The following ROBO2 variants were observed in gnomAD, a reference collection of about 807,000 sequenced individuals.
ROBO2 encodes the protein roundabout homolog 2.
ROBO2 carries 53 observed loss-of-function variants against 160.8 expected under a neutral mutation model. The observed-to-expected ratio is 0.33, with a 90% confidence interval of 0.26 to 0.41. The LOEUF (loss-of-function observed/expected upper bound fraction) is 0.41. Among genes scored for constraint, ROBO2 ranks in the 10% least tolerant of loss-of-function variants. ROBO2 has a pLI of 1.00. For synonymous variants in ROBO2, 664 were observed against 611.7 expected (o/e 1.09, Z -1.26); for missense variants, 1,577 against 1,722.4 (o/e 0.92, Z 1.49).
chr3:77,002,560 G>A (rs920366636), intron 2 of ROBO2, among the ~76,000 whole-genome samples: 1 of 151,842 alleles, frequency 6.6e-6, no homozygotes, highest in South Asian at 2.1e-4. Flanking sequence ...TCTACTTATA[G>A]TTTAGTATTA....
intron 2 of ROBO2, among the ~76,000 whole-genome samples, chr3:77,201,773 G>A (rs2082936424): frequency 6.6e-6 from 1 of 151,844 alleles, no homozygotes; most frequent in Non-Finnish European, 1.5e-5. Flanking sequence ...TGAAGTCATG[G>A]GTATTATTTC....
chr3:77,209,648 G>A (rs2083865804), intron 2 of ROBO2, among the ~76,000 whole-genome samples: 1 of 152,074 alleles, frequency 6.6e-6, no homozygotes, highest in Non-Finnish European at 1.5e-5. Flanking sequence ...TGAGATTTAG[G>A]AAGCCTTGAT....
At chr3:77,093,956 TTATC>T (rs1423507363) in intron 1 of ROBO2, among the ~76,000 whole-genome samples, 1 of 152,228 alleles carries the variant, frequency 6.6e-6, no homozygotes, top group Non-Finnish European at 1.5e-5. Context: ...CAGTGCTCTT[TTATC>T]TATCAAATTT....
At chr3:77,045,792 G>A (rs1020808451) in intron 1 of ROBO2, among the ~76,000 whole-genome samples, 1 of 152,106 alleles carries the variant, frequency 6.6e-6, no homozygotes, top group African/African-American at 2.4e-5. Context: ...CCAACCACAA[G>A]AAATCACCAC....
intron 2 of ROBO2, among the ~76,000 whole-genome samples, chr3:77,426,596 A>G (rs1418262227): frequency 1.5e-5 from 2 of 135,072 alleles, no homozygotes; most frequent in Non-Finnish European, 3.3e-5. Flanking sequence ...ACACACATAC[A>G]TATGTGTGTG....
At chr3:76,257,454 A>G (rs1706470408) in intron 2 of ROBO2, among the ~76,000 whole-genome samples, 1 of 152,160 alleles carries the variant, frequency 6.6e-6, no homozygotes, top group African/African-American at 2.4e-5. Flanking sequence ...ATAGAGAATA[A>G]GAGAATGGCA....
At chr3:77,634,057 T>C (rs753566626) in intron 23 of ROBO2, 23 of 152,208 alleles carry the variant, frequency 1.5e-4, no homozygotes, top group Non-Finnish European at 2.9e-4. Context: ...AGGCCTCTGT[T>C]ACTACAATAA....
At chr3:76,285,060 A>T (rs964163240) in intron 2 of ROBO2, among the ~76,000 whole-genome samples, 1 of 152,136 alleles carries the variant, frequency 6.6e-6, no homozygotes, top group Admixed American at 6.6e-5. Context: ...GCAAGTCTGA[A>T]AGGAACAACC....
intron 2 of ROBO2, among the ~76,000 whole-genome samples, chr3:76,729,276 G>T (rs569249394): frequency 6.6e-6 from 1 of 151,256 alleles, no homozygotes; most frequent in Non-Finnish European, 1.5e-5. Context: ...AATTACCAAG[G>T]TTTTCTAATT....
intron 2 of ROBO2, among the ~76,000 whole-genome samples, chr3:76,808,558 G>T (rs1003067228): frequency 2.0e-5 from 3 of 152,076 alleles, no homozygotes; most frequent in Admixed American, 6.6e-5. Flanking sequence ...ATAAGAGCCC[G>T]TCTTACTGAC....
intron 16 of ROBO2, among the ~76,000 whole-genome samples, chr3:77,586,004 G>A (rs1296172977): frequency 3.3e-5 from 5 of 152,020 alleles, no homozygotes; most frequent in Admixed American, 6.6e-5. Context: ...ACCATGTATT[G>A]TTTCATCTAT....
At chr3:77,163,879 A>G (rs1352383249) in intron 2 of ROBO2, among the ~76,000 whole-genome samples, 2 of 152,220 alleles carry the variant, frequency 1.3e-5, no homozygotes, top group Non-Finnish European at 2.9e-5. Flanking sequence ...CTCTCAAAGG[A>G]TGGATGTATA....
chr3:77,572,426 T>C (rs980456041), intron 13 of ROBO2, among the ~76,000 whole-genome samples: 10 of 151,984 alleles, frequency 6.6e-5, no homozygotes, highest in Non-Finnish European at 1.5e-4. Flanking sequence ...ATGTATCCAA[T>C]GGTAGAAACA....
chr3:77,140,739 AAT>A (rs2076637148), intron 2 of ROBO2, among the ~76,000 whole-genome samples: 1 of 152,226 alleles, frequency 6.6e-6, no homozygotes, highest in African/African-American at 2.4e-5. Flanking sequence ...GTCCCAATTT[AAT>A]ATCTACTGAT....
intron 2 of ROBO2, among the ~76,000 whole-genome samples, chr3:76,328,071 G>A (rs1269413559): frequency 6.6e-6 from 1 of 152,058 alleles, no homozygotes; most frequent in African/African-American, 2.4e-5. Flanking sequence ...TAAATTAATT[G>A]ATTCTTTAAG....
intron 2 of ROBO2, among the ~76,000 whole-genome samples, chr3:76,898,333 G>A (rs2074968781): frequency 6.6e-6 from 1 of 151,974 alleles, no homozygotes; most frequent in South Asian, 2.1e-4. Flanking sequence ...AAGATAAACA[G>A]TGCCAACAGG....
In ROBO2 at chr3:76,434,481, T is replaced by G. The variant is rs557643130; in HGVS notation, c.109+496879T>G. ...GTGAAAGAAATGAATGATGCTGCCA[T>G]GTTTTATACAAACCGAGTCCTCAAA... On this transcript the variant is annotated intron_variant, in intron 2 of 26. Transcript: ENST00000487694. 3 of 1,551,684 alleles carry G rather than the reference T, an allele frequency of 1.9e-6. No individual in the cohort carries two copies. In the African/African-American group the frequency reaches 4.1e-5, roughly 21 times the overall value.
chr3:76,020,500 T>G (rs1358781559), intron 2 of ROBO2, among the ~76,000 whole-genome samples: 1 of 151,840 alleles, frequency 6.6e-6, no homozygotes, highest in Admixed American at 6.6e-5. Context: ...CTCTTTATTC[T>G]TTTAATAGTT....
intron 2 of ROBO2, among the ~76,000 whole-genome samples, chr3:76,719,004 T>A (rs1261828005): frequency 6.6e-6 from 1 of 152,218 alleles, no homozygotes; most frequent in African/African-American, 2.4e-5. Context: ...TTTATTATGT[T>A]ACCCATCATT....
Sources: gnomAD v4.1 joint callset for allele counts (sites outside exome capture counted in the v4.1 genomes callset) on GRCh38, gnomAD v4.1.1 for gene constraint, MANE v1.5 for transcripts, NCBI Gene and HGNC (gene_info 2026-07-23, HGNC 2026-07-21) for gene names.